MACROD1: variants seen among roughly 807,000 people sequenced by gnomAD.
MACROD1 encodes mono-ADP ribosylhydrolase 1, also known as ADP-ribose glycohydrolase MACROD1.
Under a neutral mutation model 41.4 loss-of-function variants are expected in MACROD1, and 31 were observed. That is an observed-to-expected ratio of 0.75 (90% CI 0.56 to 1.01). The LOEUF (loss-of-function observed/expected upper bound fraction) is 1.01, where lower values mean the gene tolerates loss of function less well. MACROD1 is among the 50% of genes least tolerant of loss of function. The pLI, the probability that MACROD1 is intolerant of heterozygous loss-of-function variation, is 0.00. For missense variants in MACROD1, 473 were observed against 460.0 expected (o/e 1.03, Z -0.26); for synonymous variants, 252 against 203.4 (o/e 1.24, Z -2.03).
At chr11:64,076,665 G>A (rs1944207692) in intron 3 of MACROD1, among the ~76,000 whole-genome samples, 4 of 152,190 alleles carry the variant, frequency 2.6e-5, no homozygotes, top group East Asian at 1.9e-4. Context: ...AGACGAAATC[G>A]CCTAAGAACA....
At chr11:64,089,345 CG>C (rs1368539820) in intron 3 of MACROD1, among the ~76,000 whole-genome samples, 1 of 152,162 alleles carries the variant, frequency 6.6e-6, no homozygotes, top group East Asian at 1.9e-4. Context: ...GACCCAAACT[CG>C]GTCAAAATAG....
chr11:64,118,042 G>A lies in MACROD1; in HGVS notation c.517+33197C>T, dbSNP rs767315617. The A allele has an allele frequency of 6.8e-5, 109 of 1,613,420 alleles. No homozygotes were observed. Among genetic ancestry groups the A allele is most frequent in the East Asian group, 1.6e-4 (7 of 44,888 alleles). ...CTGACCCGGGAGAGGGCCTACAACC[G>A]GGGCAGCAGGAAAAAGGATGACTAT... On this transcript the variant is annotated intron_variant, in intron 3 of 10. Coordinates refer to ENST00000255681, the MANE Select transcript of MACROD1 (RefSeq NM_014067.4).
intron 3 of MACROD1, among the ~76,000 whole-genome samples, chr11:64,119,435 C>T (rs953610193): frequency 6.6e-6 from 1 of 152,166 alleles, no homozygotes; most frequent in Non-Finnish European, 1.5e-5. Context: ...TCCCCCACCA[C>T]GTGCAATCAC....
chr11:64,015,180 G>A, intron 4 of MACROD1, 72 bp downstream of exon 4: 2 of 1,460,062 alleles, frequency 1.4e-6, no homozygotes, highest in Non-Finnish European at 1.8e-6. Context: ...CGAGGGCGAG[G>A]GGCAGGGGAG....
chr11:64,136,783 C>A (rs1217799342), intron 3 of MACROD1, among the ~76,000 whole-genome samples: 1 of 152,246 alleles, frequency 6.6e-6, no homozygotes, highest in African/African-American at 2.4e-5. Flanking sequence ...GCCACGGGCT[C>A]AGCCTCTGAA....
intron 3 of MACROD1, among the ~76,000 whole-genome samples, chr11:64,093,428 C>T (rs1156622247): frequency 6.6e-6 from 1 of 152,246 alleles, no homozygotes; most frequent in Non-Finnish European, 1.5e-5. Flanking sequence ...AGCCAGGCCT[C>T]CACCTGGCAT....
At chr11:64,165,185 G>A (rs951081840) in intron 1 of MACROD1, among the ~76,000 whole-genome samples, 2 of 152,222 alleles carry the variant, frequency 1.3e-5, no homozygotes, top group African/African-American at 4.8e-5. Flanking sequence ...CACTCTGTGA[G>A]GTTACGTGCC....
Position 64,096,418 on chromosome 11 carries a change from CTT to C in MACROD1, c.517+54819_517+54820del, listed in dbSNP as rs374032073. Among the ~76,000 whole-genome samples the C allele has an allele frequency of 2.1e-5, 3 of 145,638 alleles. No homozygotes were observed. The highest frequency in any genetic ancestry group is 1.5e-5 in the Non-Finnish European group (1 of 65,762). Reference sequence around the variant, plus strand: ...AGGCAAGTGGTCGTTCCTGTCCCCTCTTTTTTTTTTTTGAGACTGAGTCTCGC... The same window carrying C: ...AGGCAAGTGGTCGTTCCTGTCCCCTCTTTTTTTTTTGAGACTGAGTCTCGC... On this transcript the variant is annotated intron_variant, in intron 3 of 10. Transcript: ENST00000255681. The surrounding 1 kb of genome is among the most constrained non-coding windows in gnomAD (Gnocchi z 4.6).
At chr11:64,132,628 G>A (rs1024258866) in intron 3 of MACROD1, among the ~76,000 whole-genome samples, 6 of 152,142 alleles carry the variant, frequency 3.9e-5, no homozygotes, top group South Asian at 2.1e-4. Flanking sequence ...TTGAGCCCGC[G>A]GTCCTCAGGA....
At chr11:64,135,665 C>T (rs1227436761) in intron 3 of MACROD1, among the ~76,000 whole-genome samples, 1 of 152,224 alleles carries the variant, frequency 6.6e-6, no homozygotes, top group African/African-American at 2.4e-5. Context: ...TGCCAGGAGT[C>T]CTCGAGGGGC....
At chr11:64,003,214 C>G (rs570486205) in intron 4 of MACROD1, among the ~76,000 whole-genome samples, 100 of 152,308 alleles carry the variant, frequency 6.6e-4, no homozygotes, top group African/African-American at 2.3e-3. Context: ...TTAAACTCCC[C>G]CTGATATGGC....
At chr11:64,070,784 A>G (rs1944094175) in intron 3 of MACROD1, among the ~76,000 whole-genome samples, 1 of 152,232 alleles carries the variant, frequency 6.6e-6, no homozygotes, top group South Asian at 2.1e-4. Context: ...ATGAAATTTA[A>G]TAACTGGTGG....
At chr11:64,080,814 A>T (rs1439163669) in intron 3 of MACROD1, among the ~76,000 whole-genome samples, 1 of 152,086 alleles carries the variant, frequency 6.6e-6, no homozygotes, top group African/African-American at 2.4e-5. Flanking sequence ...GGGCTCAGTG[A>T]TGGGAGAACT....
intron 3 of MACROD1, among the ~76,000 whole-genome samples, chr11:64,105,989 A>G (rs1218157214): frequency 6.6e-6 from 1 of 151,100 alleles, no homozygotes; most frequent in African/African-American, 2.4e-5. Context: ...GCGGGAGGGG[A>G]AAAGGCCCTC....
At chr11:64,135,260 G>C (rs1945317108) in intron 3 of MACROD1, among the ~76,000 whole-genome samples, 2 of 152,228 alleles carry the variant, frequency 1.3e-5, no homozygotes, top group Admixed American at 1.3e-4. Flanking sequence ...AAATGGAACA[G>C]GTCCTGAAGC....
rs61884733 is a variant in MACROD1, at chr11:64,141,993, C to T, written c.517+9246G>A. 3.6e-3 allele frequency among the ~76,000 whole-genome samples: 555 copies of T among 152,340 alleles called. 4 individuals are homozygous for T. The highest frequency in any genetic ancestry group is 6.6e-3 in the Non-Finnish European group (447 of 68,028). ...TACAGGACGCCAAATGCCAGGAGGG[C>T]AGGCACTGGGTTACACTGGGCCTTG... On this transcript the variant is annotated intron_variant, in intron 3 of 10. Coordinates refer to ENST00000255681, the MANE Select transcript of MACROD1 (RefSeq NM_014067.4).
intron 1 of MACROD1, among the ~76,000 whole-genome samples, chr11:64,158,280 T>C (rs181702508): frequency 7.7e-4 from 117 of 152,242 alleles, no homozygotes; most frequent in Non-Finnish European, 1.4e-3. Flanking sequence ...AAGAGCCCAG[T>C]GTCACCACGG....
intron 3 of MACROD1, among the ~76,000 whole-genome samples, chr11:64,060,260 C>A (rs1376615243): frequency 6.6e-6 from 1 of 152,228 alleles, no homozygotes; most frequent in Non-Finnish European, 1.5e-5. Context: ...CCAGGAGGCC[C>A]CAGAGCTCCG....
intron 1 of MACROD1, among the ~76,000 whole-genome samples, chr11:64,157,402 T>C (rs985428405): frequency 7.9e-5 from 12 of 152,194 alleles, no homozygotes; most frequent in African/African-American, 2.9e-4. Context: ...CCTTGCCCCA[T>C]GAATTTCTAA....
Sources: allele counts gnomAD v4.1 joint callset (sites outside exome capture counted in the v4.1 genomes callset), GRCh38; gene constraint gnomAD v4.1.1; non-coding constraint Gnocchi (gnomAD v3.1); transcripts MANE v1.5; gene names NCBI Gene and HGNC (gene_info 2026-07-23, HGNC 2026-07-21).